ZC3H4: variants seen among roughly 807,000 people sequenced by gnomAD.
The protein encoded by ZC3H4 is zinc finger CCCH domain-containing protein 4.
ZC3H4 carries 13 observed loss-of-function variants against 108.3 expected under a neutral mutation model. The ratio of observed to expected loss-of-function variants is 0.12; its 90% CI spans 0.08 to 0.19. The LOEUF (loss-of-function observed/expected upper bound fraction) is 0.19. Among genes scored for constraint, ZC3H4 ranks in the 10% least tolerant of loss-of-function variants. ZC3H4 has a pLI of 1.00. For missense variants in ZC3H4, 1,734 were observed against 1,838.8 expected, an observed-to-expected ratio of 0.94 and a Z score of 1.04; for synonymous variants, 917 against 749.6, an observed-to-expected ratio of 1.22 and a Z score of -3.65.
chr19:47,108,324 T>G (rs146565124), intron 2 of ZC3H4, among the ~76,000 whole-genome samples: 1 of 152,180 alleles, frequency 6.6e-6, no homozygotes, highest in Non-Finnish European at 1.5e-5. Context: ...TTTGACTTGA[T>G]AGCTATCCAC....
At chr19:47,087,279 C>G (rs2057646269) in intron 5 of ZC3H4, among the ~76,000 whole-genome samples, 1 of 102,636 alleles carries the variant, frequency 9.7e-6, no homozygotes, top group African/African-American at 3.2e-5. Context: ...CCGTCTCTCA[C>G]ACACACACAC....
intron 11 of ZC3H4, among the ~76,000 whole-genome samples, chr19:47,081,104 T>C (rs780023218): frequency 3.3e-5 from 5 of 152,086 alleles, no homozygotes; most frequent in Non-Finnish European, 5.9e-5. Flanking sequence ...TCTTGCTACA[T>C]GCCTAGGCTG....
chr19:47,104,786 G>A (rs906202725), intron 2 of ZC3H4, among the ~76,000 whole-genome samples: 2 of 152,172 alleles, frequency 1.3e-5, no homozygotes, highest in Non-Finnish European at 2.9e-5. Flanking sequence ...GAATCCCAAG[G>A]AAACCTAAGC....
intron 2 of ZC3H4, among the ~76,000 whole-genome samples, chr19:47,108,400 T>G (rs2057994018): frequency 6.6e-6 from 1 of 152,142 alleles, no homozygotes; most frequent in African/African-American, 2.4e-5. Flanking sequence ...GGATCTGACC[T>G]CTATGGAGAG....
chr19:47,104,348 G>A (rs753740401), intron 2 of ZC3H4, among the ~76,000 whole-genome samples: 1 of 152,070 alleles, frequency 6.6e-6, no homozygotes, highest in Admixed American at 6.6e-5. Flanking sequence ...TTCTTAAAAA[G>A]AACTGATACA....
intron 9 of ZC3H4, among the ~76,000 whole-genome samples, chr19:47,083,469 T>G (rs1034480948): frequency 5.3e-5 from 8 of 152,090 alleles, no homozygotes; most frequent in African/African-American, 1.9e-4. Flanking sequence ...ACATTTGTAA[T>G]CCCAGCACTT....
chr19:47,102,245 T>C (rs1311568419), intron 2 of ZC3H4, among the ~76,000 whole-genome samples: 1 of 152,156 alleles, frequency 6.6e-6, no homozygotes, highest in African/African-American at 2.4e-5. Context: ...GAAGCAGAAC[T>C]AGAAACTAAG....
rs941662462 is a variant in ZC3H4 at position 47,112,497 on chromosome 19, G to A, written c.88C>T (p.Pro30Ser). 32 of 1,139,460 alleles carry A rather than the reference G, an allele frequency of 2.8e-5. No individual in the cohort carries two copies. Among genetic ancestry groups the A allele is most frequent in the Non-Finnish European group, 3.4e-5 (30 of 894,882 alleles). The allele number at this position is 1,139,460 out of a possible 1,614,324, so 70.6% of individuals were successfully genotyped here. Residue 30 changes from proline to serine, a missense_variant, in exon 2 of 15, where the codon CCT becomes TCT. Physicochemically the swap from Pro to Ser is moderately conservative, Grantham distance 74. Around this residue, in one of 9 missense-constraint regions of ZC3H4, gnomAD observed 112 missense variants for 73.3 expected, o/e 1.53. Coordinates refer to ENST00000253048, the MANE Select transcript of ZC3H4 (RefSeq NM_015168.2). ...SPPPPSTPSP[P>S]PCSPDARPAT... is the part of the protein sequence containing the mutation. Reference sequence around the variant, plus strand: ...GGGCGGGCGTCGGGGGAACACGGAGGAGGCGAAGGCGTTGATGGCGGCGGC... The same window carrying A: ...GGGCGGGCGTCGGGGGAACACGGAGAAGGCGAAGGCGTTGATGGCGGCGGC...
At chr19:47,099,121 C>T (rs568108859) in intron 2 of ZC3H4, among the ~76,000 whole-genome samples, 19 of 152,294 alleles carry the variant, frequency 1.2e-4, no homozygotes, top group Middle Eastern at 6.8e-3. Context: ...ACGGAAAGCC[C>T]TAACTGGCTG....
chr19:47,109,323 G>A lies in ZC3H4; in HGVS notation c.161+3101C>T, dbSNP rs934738287. ...AGCTTTTTAAATGCTTGGGGAAATA[G>A]TTTCAAATTCACTGAACATTGCTAA... is the stretch of plus-strand genomic sequence containing the variant. On this transcript the variant is annotated intron_variant, in intron 2 of 14. Transcript: ENST00000253048. Among the ~76,000 whole-genome samples the A allele has an allele frequency of 9.2e-5, 14 of 152,186 alleles. 1 individual carries two copies. Among genetic ancestry groups the A allele is most frequent in the Non-Finnish European group, 2.1e-4 (14 of 68,028 alleles).
Position 47,094,000 on chromosome 19 carries a change from C to T in ZC3H4, c.462G>A (p.Lys154=), listed in dbSNP as rs911517702. 4.3e-6 allele frequency: 7 copies of T among 1,614,070 alleles called. No homozygotes were observed. The highest frequency in any genetic ancestry group is 2.7e-5 in the African/African-American group (2 of 74,930). ...DFSPSEKGHR[K]YREYSPPYAP... ...CATATGGGGGGCTGTACTCTCTGTA[C>T]TTGCGGTGACCTTTCTCACTGGGGC... Residue 154 remains lysine (K), a synonymous_variant, in exon 4 of 15, where the codon AAG becomes AAA. Transcript: ENST00000253048.
In ZC3H4 at chr19:47,066,815, C is replaced by A; in HGVS notation, c.3453G>T (p.Pro1151=). The A allele has an allele frequency of 6.2e-7, 1 of 1,600,190 alleles. No individual in the cohort carries two copies. Among genetic ancestry groups the A allele is most frequent in the Non-Finnish European group, 8.5e-7 (1 of 1,178,984 alleles). The change falls in exon 15 of 15, where the codon CCG becomes CCT. Residue 1151 remains proline, a synonymous_variant. Coordinates refer to ENST00000253048, the MANE Select transcript of ZC3H4 (RefSeq NM_015168.2). ...CTTTGCCCCCCGCGTTGGGAGTCCTCGGGTCGTAGAGGCTGATACCGCTCA... is the reference window on the plus strand; with the variant it reads ...CTTTGCCCCCCGCGTTGGGAGTCCTAGGGTCGTAGAGGCTGATACCGCTCA... The part of the protein sequence containing the change: ...SVLSGISLYD[P]RTPNAGGKAT...
intron 5 of ZC3H4, among the ~76,000 whole-genome samples, chr19:47,089,076 C>T (rs2057683842): frequency 6.6e-6 from 1 of 151,570 alleles, no homozygotes; most frequent in Non-Finnish European, 1.5e-5. Context: ...TGTAGTGGCA[C>T]GTGCCTGTAA....
chr19:47,108,408 G>C (rs185154185), intron 2 of ZC3H4, among the ~76,000 whole-genome samples: 1 of 152,284 alleles, frequency 6.6e-6, no homozygotes, highest in Non-Finnish European at 1.5e-5. Context: ...CCTCTATGGA[G>C]AGATGTTTCT....
intron 2 of ZC3H4, among the ~76,000 whole-genome samples, chr19:47,106,447 T>C (rs1409544163): frequency 3.3e-5 from 5 of 152,176 alleles, no homozygotes; most frequent in Non-Finnish European, 7.3e-5. Context: ...AGCAAAACCC[T>C]GTCTCAATAA....
At position 47,066,259 on chromosome 19, in the gene ZC3H4, C is replaced by G; in HGVS notation, c.*97G>C. The stretch of plus-strand genomic sequence containing the variant: ...GAAAAAGAAAAGAAAAAAGGAACAC[C>G]CAGCCTGCCTCCCCTTGCCCCCAAG... On this transcript the variant is annotated 3_prime_UTR_variant, in exon 15 of 15. Transcript: ENST00000253048. 2.1e-6 allele frequency: 2 copies of G among 967,958 alleles called. No homozygotes were observed. Among genetic ancestry groups the G allele is most frequent in the Non-Finnish European group, 2.9e-6 (2 of 698,318 alleles). 60.0% of individuals were successfully genotyped at this position (967,958 alleles called of 1,614,324 possible).
intron 4 of ZC3H4, among the ~76,000 whole-genome samples, chr19:47,092,998 C>G (rs192178152): frequency 4.0e-5 from 6 of 151,858 alleles, no homozygotes; most frequent in Non-Finnish European, 8.8e-5. Context: ...AGGCGGATCA[C>G]GAGGTCAGGA....
At chr19:47,102,672 C>G (rs993317548) in intron 2 of ZC3H4, among the ~76,000 whole-genome samples, 1 of 151,848 alleles carries the variant, frequency 6.6e-6, no homozygotes, top group Non-Finnish European at 1.5e-5. Context: ...TACGGTCCTT[C>G]CAATATCAAG....
intron 5 of ZC3H4, among the ~76,000 whole-genome samples, chr19:47,088,031 G>A (rs2057662747): frequency 6.6e-6 from 1 of 151,764 alleles, no homozygotes; most frequent in African/African-American, 2.4e-5. Flanking sequence ...AAATTAGCCG[G>A]GCGTGGCGGC....
Sources: gnomAD v4.1 joint callset for allele counts (sites outside exome capture counted in the v4.1 genomes callset) on GRCh38, gnomAD v4.1.1 for gene constraint, gnomAD v4.1.1 regional missense constraint, MANE v1.5 for transcripts, NCBI Gene and HGNC (gene_info 2026-07-23, HGNC 2026-07-21) for gene names.